The following ADCY3 variants were observed in gnomAD, a reference collection of about 807,000 sequenced individuals.
The protein encoded by ADCY3 is adenylate cyclase 3.
A neutral mutation model predicts 119.4 loss-of-function variants in ADCY3; 70 were observed. That is an observed-to-expected ratio of 0.59 (90% CI 0.48 to 0.72). The LOEUF (loss-of-function observed/expected upper bound fraction) is 0.72. Among genes scored for constraint, ADCY3 ranks in the 30% least tolerant of loss-of-function variants. ADCY3 has a pLI of 0.00. For missense variants in ADCY3, 1,238 were observed against 1,541.6 expected (o/e 0.80, Z 3.30); for synonymous variants, 672 against 621.4 (o/e 1.08, Z -1.21).
At chr2:24,914,815 C>T (rs1464367453) in intron 2 of ADCY3, among the ~76,000 whole-genome samples, 1 of 152,152 alleles carries the variant, frequency 6.6e-6, no homozygotes, top group East Asian at 1.9e-4. Context: ...GTCAGATGGC[C>T]TCATCCTCCT....
intron 3 of ADCY3, among the ~76,000 whole-genome samples, chr2:24,844,779 T>C (rs749769337): frequency 1.1e-4 from 16 of 152,250 alleles, no homozygotes; most frequent in Non-Finnish European, 2.4e-4. Flanking sequence ...TGCCTGGCAC[T>C]GGCCCCTGCC....
chr2:24,919,365 G>C lies in ADCY3; in HGVS notation c.-197-181C>G, dbSNP rs1664844926. The stretch of plus-strand genomic sequence containing the variant: ...GGCACACTTAGTCCTGTCCACGCCA[G>C]ACACTCAATTTCCTGTCCCTGGCTT... On this transcript the variant is annotated intron_variant, in intron 1 of 21. Coordinates refer to ENST00000679454, the MANE Select transcript of ADCY3 (RefSeq NM_004036.5). The surrounding 1 kb of genome is among the most constrained non-coding windows in gnomAD (Gnocchi z 5.5). The C allele has an allele frequency of 4.9e-6, 1 of 202,046 alleles. No homozygotes were observed. Among genetic ancestry groups the C allele is most frequent in the Non-Finnish European group, 1.0e-5 (1 of 99,020 alleles). The allele number at this position is 202,046 out of a possible 1,614,324, so 12.5% of individuals were successfully genotyped here.
chr2:24,838,786 T>C (rs1670631362), intron 7 of ADCY3, 164 bp from the exon 8 acceptor site: 1 of 1,594,344 alleles, frequency 6.3e-7, no homozygotes, highest in Non-Finnish European at 8.6e-7. Flanking sequence ...TAACTAGCTG[T>C]GTGGGCCGCT....
chr2:24,840,709 C>G (rs1210425104), intron 6 of ADCY3: 6 of 358,226 alleles, frequency 1.7e-5, no homozygotes, highest in African/African-American at 1.3e-4. Flanking sequence ...CATCCGAGAG[C>G]TGCAAGCCCA....
At chr2:24,886,900 G>A (rs905664652) in intron 2 of ADCY3, among the ~76,000 whole-genome samples, 1 of 152,150 alleles carries the variant, frequency 6.6e-6, no homozygotes, top group Non-Finnish European at 1.5e-5. Context: ...CAGATGCTGG[G>A]CCTGGCTGGC....
intron 2 of ADCY3, among the ~76,000 whole-genome samples, chr2:24,908,441 C>T (rs1351645674): frequency 6.6e-6 from 1 of 152,044 alleles, no homozygotes; most frequent in African/African-American, 2.4e-5. Context: ...AATCCTTTCA[C>T]AATGAAGAAA....
intron 3 of ADCY3, among the ~76,000 whole-genome samples, chr2:24,846,630 A>G (rs1671681350): frequency 6.6e-6 from 1 of 151,010 alleles, no homozygotes; most frequent in Non-Finnish European, 1.5e-5. Context: ...CCAGGCTGGA[A>G]TGCTGTAGTG....
At position 24,838,734 on chromosome 2, in the gene ADCY3, C is replaced by T. The variant is rs190945393; in HGVS notation, c.1356-112G>A. On this transcript the variant is annotated intron_variant, in intron 7 of 21. Transcript: ENST00000679454. ...GGCTGCTGCTCGGCCCCGTGTCTCTCGGGCATGTGGGGCAGAGGCCAAGTG... is the reference window on the plus strand; with the variant it reads ...GGCTGCTGCTCGGCCCCGTGTCTCTTGGGCATGTGGGGCAGAGGCCAAGTG... 1,358 of 1,585,216 alleles carry T rather than the reference C, an allele frequency of 8.6e-4. 13 individuals carry two copies. In the African/African-American group the frequency reaches 0.017, roughly 19 times the overall value.
At chr2:24,911,722 G>T (rs1431016364) in intron 2 of ADCY3, among the ~76,000 whole-genome samples, 2 of 151,382 alleles carry the variant, frequency 1.3e-5, no homozygotes, top group Non-Finnish European at 2.9e-5. Context: ...GTGTGTGTGT[G>T]TGTGTGTATG....
At chr2:24,822,457 A>C in intron 19 of ADCY3, 54 bp downstream of exon 19, 2 of 1,597,896 alleles carry the variant, frequency 1.3e-6, no homozygotes, top group East Asian at 2.2e-5. Context: ...CTGGGCTGCC[A>C]ATCTCTTGCC....
intron 3 of ADCY3, among the ~76,000 whole-genome samples, chr2:24,858,514 A>G (rs1294963617): frequency 6.6e-6 from 1 of 152,230 alleles, no homozygotes; most frequent in Non-Finnish European, 1.5e-5. Context: ...AGATCTCATT[A>G]TTAAATGAAA....
In ADCY3 at chr2:24,831,658, T is replaced by C. The variant is rs1669523717; in HGVS notation, c.2055+4A>G. 2 of 1,613,262 alleles carry C rather than the reference T, an allele frequency of 1.2e-6. No homozygotes were observed. Among genetic ancestry groups the C allele is most frequent in the Non-Finnish European group, 1.7e-6 (2 of 1,179,370 alleles). ...TCTGAGCTCAGTAGAAAAGTGCCTC[T>C]TACCCGGGGAAAGATGGCAGCCAGG... On this transcript the variant is annotated splice_donor_region_variant and intron_variant, in intron 12 of 21. Transcript: ENST00000679454.
intron 8 of ADCY3, among the ~76,000 whole-genome samples, chr2:24,837,467 G>A (rs1670451443): frequency 6.6e-6 from 1 of 152,150 alleles, no homozygotes; most frequent in South Asian, 2.1e-4. Context: ...GACTGACATC[G>A]AGGTTAGAAT....
At chr2:24,868,778 A>G (rs1674616925) in intron 3 of ADCY3, among the ~76,000 whole-genome samples, 1 of 152,188 alleles carries the variant, frequency 6.6e-6, no homozygotes, top group African/African-American at 2.4e-5. Flanking sequence ...GCACTTTGGG[A>G]GACTGAGGCA....
Position 24,841,375 on chromosome 2 carries a change from C to T in ADCY3, c.1080G>A (p.Gln360=). The change falls in exon 6 of 22, where the codon CAG becomes CAA. Residue 360 remains glutamine, a synonymous_variant. Coordinates refer to ENST00000679454, the MANE Select transcript of ADCY3 (RefSeq NM_004036.5). This position sits in a 1 kb window ranked among gnomAD's most constrained non-coding sequence, Gnocchi z 5.8. ...RFDKLAAKYH[Q]LRIKILGDCY... ...AGTCGCCCAGGATCTTAATCCGCAGCTGGTGGTATTTCTGAAAGGGGAGGG... is the reference window on the plus strand; with the variant it reads ...AGTCGCCCAGGATCTTAATCCGCAGTTGGTGGTATTTCTGAAAGGGGAGGG... The T allele has an allele frequency of 6.2e-7, 1 of 1,610,244 alleles. No individual in the cohort carries two copies. The highest frequency in any genetic ancestry group is 8.5e-7 in the Non-Finnish European group (1 of 1,178,582).
chr2:24,831,924 G>A (rs1267439944), intron 11 of ADCY3, among the ~76,000 whole-genome samples, 175 bp from the exon 12 acceptor site: 3 of 73,574 alleles, frequency 4.1e-5, no homozygotes, highest in Non-Finnish European at 6.4e-5. Context: ...CCAGGGGACA[G>A]CGGACAGTGG....
At position 24,842,258 on chromosome 2, in the gene ADCY3, C is replaced by A; in HGVS notation, c.952G>T (p.Val318Phe). 6.2e-7 allele frequency: 1 copy of A among 1,614,104 alleles called. No homozygotes were observed. The highest frequency in any genetic ancestry group is 8.5e-7 in the Non-Finnish European group (1 of 1,180,008). ...NTMYMYRHEN[V>F]SILFADIVGF... ...CCGCGCCCCGGGCCGGCGTACCTGA[C>A]GTTCTCGTGACGGTACATGTACATG... Residue 318 changes from valine (V) to phenylalanine (F), a missense_variant, in exon 4 of 22, where the codon GTC (valine) becomes TTC (phenylalanine). Val to Phe is a conservative substitution (Grantham distance 50). Around this residue, in one of 7 missense-constraint regions of ADCY3, gnomAD observed 283 missense variants for 437.2 expected, o/e 0.65. Transcript: ENST00000679454. The surrounding 1 kb of genome is among the most constrained non-coding windows in gnomAD (Gnocchi z 4.9).
intron 2 of ADCY3, among the ~76,000 whole-genome samples, chr2:24,900,824 G>C (rs1381210724): frequency 2.6e-5 from 4 of 152,146 alleles, no homozygotes; most frequent in Non-Finnish European, 5.9e-5. Flanking sequence ...CAGCAGTTTG[G>C]GAGGCCGAGA....
chr2:24,870,361 A>G (rs1414948552), intron 3 of ADCY3, among the ~76,000 whole-genome samples: 1 of 151,772 alleles, frequency 6.6e-6, no homozygotes, highest in African/African-American at 2.4e-5. Flanking sequence ...AAAATCTCTC[A>G]AAAGTTTTAC....
Sources: gnomAD v4.1 joint callset for allele counts (sites outside exome capture counted in the v4.1 genomes callset) on GRCh38, gnomAD v4.1.1 for gene constraint, gnomAD v4.1.1 regional missense constraint, Gnocchi (gnomAD v3.1) non-coding constraint, MANE v1.5 for transcripts, NCBI Gene and HGNC (gene_info 2026-07-23, HGNC 2026-07-21) for gene names.